Variants in RPL3L observed in about 807,000 individuals in gnomAD.
RPL3L encodes the protein ribosomal protein L3 like.
RPL3L carries 44 observed loss-of-function variants against 44.5 expected under a neutral mutation model. That is an observed-to-expected ratio of 0.99 (90% CI 0.78 to 1.27). The LOEUF is 1.27. Among genes scored for constraint, RPL3L ranks in the 50% most tolerant of loss-of-function variants. The probability of loss-of-function intolerance (pLI) is 0.00; values close to 1 mark genes in which losing one functional copy is unlikely to be tolerated. For synonymous variants in RPL3L, 292 were observed against 230.7 expected (o/e 1.27, Z -2.41); for missense variants, 631 against 569.1 (o/e 1.11, Z -1.11).
chr16:1,945,596 C>G lies in RPL3L; in HGVS notation c.1070G>C (p.Arg357Pro). The G allele has an allele frequency of 6.2e-7, 1 of 1,613,806 alleles. No homozygotes were observed. Among genetic ancestry groups the G allele is most frequent in the Non-Finnish European group, 8.5e-7 (1 of 1,179,966 alleles). ...GAGCTCAATATTCTCCACGGCTTGG[C>G]GACTGTGATGCACCAGGAGGGACTG... Reference protein sequence around the residue: ...LRKSLLVHHSRQAVENIELKF... With the variant: ...LRKSLLVHHSPQAVENIELKF... The change falls in exon 9 of 10, where the codon CGC (arginine) becomes CCC (proline). Residue 357 changes from arginine to proline, a missense_variant. Physicochemically the swap from Arg to Pro is moderately radical, Grantham distance 103. Transcript: ENST00000268661.
At position 1,946,843 on chromosome 16, in the gene RPL3L, G is replaced by A. The variant is rs2083124868; in HGVS notation, c.849+95C>T. 11 of 1,559,106 alleles carry A rather than the reference G, an allele frequency of 7.1e-6. 1 individual carries two copies. The Middle Eastern group carries it at 6.7e-4, about 94-fold the overall frequency. On this transcript the variant is annotated intron_variant, in intron 6 of 9. Transcript: ENST00000268661. ...GCTGGTGGGGGCATCTTGTGTCCCCGGCAGTGTCTGGGTCATGCACCCCAC... is the reference window on the plus strand; with the variant it reads ...GCTGGTGGGGGCATCTTGTGTCCCCAGCAGTGTCTGGGTCATGCACCCCAC...
intron 3 of RPL3L, among the ~76,000 whole-genome samples, chr16:1,952,241 C>G (rs2083176095): frequency 6.8e-6 from 1 of 147,028 alleles, no homozygotes; most frequent in African/African-American, 2.5e-5. Flanking sequence ...AGTGCTGGGA[C>G]TACTACAGTC....
chr16:1,947,527 G>C, intron 4 of RPL3L, 147 bp from the exon 5 acceptor site: 2 of 993,174 alleles, frequency 2.0e-6, no homozygotes, highest in Non-Finnish European at 2.9e-6. Context: ...CCCATGTGTT[G>C]TGCTAGGCAC....
intron 3 of RPL3L, among the ~76,000 whole-genome samples, chr16:1,951,985 G>A (rs116366319): frequency 0.022 from 3,363 of 151,794 alleles, 117 homozygotes; most frequent in African/African-American, 0.066. Context: ...GTCTCACTCT[G>A]TCGCTCACAC....
At chr16:1,946,378 A>G (rs76616682) in intron 7 of RPL3L, among the ~76,000 whole-genome samples, 3,108 of 152,260 alleles carry the variant, frequency 0.02, 64 homozygotes, top group East Asian at 0.065. Flanking sequence ...ACTATATCCA[A>G]ATGTTTTGGA....
chr16:1,954,541 T>TCTGAGGGCACCCC, intron 1 of RPL3L, 88 bp downstream of exon 1: 1 of 1,416,798 alleles, frequency 7.1e-7, no homozygotes, highest in Non-Finnish European at 9.6e-7. Context: ...AGACTGTCCC[T>TCTGAGGGCACCCC]CTGAGGGAGC....
chr16:1,952,754 G>A lies in RPL3L; in HGVS notation c.365+120C>T, dbSNP rs1024025661. 3.5e-5 allele frequency: 40 copies of A among 1,153,236 alleles called. 1 individual carries two copies. Among genetic ancestry groups the A allele is most frequent in the Admixed American group, 6.5e-5 (3 of 46,366 alleles). 71.4% of individuals were successfully genotyped at this position (1,153,236 alleles called of 1,614,324 possible). A position where few individuals can be genotyped will look rare whatever the true frequency, so the allele number is the denominator to read the frequency against. ...ACAGACACTCCTACCTCCCACAGAC[G>A]GTTGAGACTTCGCTTCCTACTCACC... On this transcript the variant is annotated intron_variant, in intron 3 of 9. Coordinates refer to ENST00000268661, the MANE Select transcript of RPL3L (RefSeq NM_005061.3).
chr16:1,945,693 C>A, intron 8 of RPL3L, 75 bp from the exon 9 acceptor site: 1 of 1,608,062 alleles, frequency 6.2e-7, no homozygotes, highest in South Asian at 1.1e-5. Context: ...CAAGCCCCAC[C>A]AGGAAGGTCT....
rs140887504 is a variant in RPL3L at position 1,950,932 on chromosome 16, C to T, written c.413G>A (p.Arg138Gln). The part of the protein sequence containing the change: ...KAFTKACKRW[R>Q]DTDGKKQLQK... ...TAGCTGCTTTTTCCCGTCTGTGTCC[C>T]GCCACCTCTTGCAGGCCTTGGTGAA... is the stretch of plus-strand genomic sequence containing the variant. The change falls in exon 4 of 10, where the codon CGG becomes CAG. Residue 138 changes from arginine (R) to glutamine (Q), a missense_variant. Physicochemically the swap from Arg to Gln is conservative, Grantham distance 43. Transcript: ENST00000268661. The T allele has an allele frequency of 7.1e-5, 114 of 1,613,998 alleles. No homozygotes were observed. The African/African-American group carries it at 1.0e-3, about 14-fold the overall frequency.
At position 1,951,566 on chromosome 16, in the gene RPL3L, A is replaced by G. The variant is rs184309141; in HGVS notation, c.366-587T>C. Among the ~76,000 whole-genome samples the G allele has an allele frequency of 4.6e-5, 7 of 151,872 alleles. No individual in the cohort carries two copies. In the East Asian group the frequency reaches 1.4e-3, roughly 29 times the overall value. ...CGGCTAATTTTTTGTATTTTTTTGT[A>G]GAGACGGGTTTCGTCATGTTGCCCA... On this transcript the variant is annotated intron_variant, in intron 3 of 9. Transcript: ENST00000268661.
At chr16:1,954,245 T>C in intron 1 of RPL3L, 97 bp from the exon 2 acceptor site, 1 of 1,248,042 alleles carries the variant, frequency 8.0e-7, no homozygotes, top group Non-Finnish European at 1.1e-6. Flanking sequence ...GACTACAGGC[T>C]TCAGACTGAG....
Position 1,945,856 on chromosome 16 carries a change from CTTCT to C in RPL3L, c.1022_1025del (p.Lys341SerfsTer6), listed in dbSNP as rs2083117098. ...CAACCTTTCTCAGCGTAATGACCCG[CTTCT>C]TGGTACCAGCAATACAACCCTTCAG... is the stretch of plus-strand genomic sequence containing the variant. On this transcript the variant is annotated frameshift_variant, in exon 8 of 10. Coordinates refer to ENST00000268661, the MANE Select transcript of RPL3L (RefSeq NM_005061.3). LOFTEE classifies it high-confidence loss of function. 1 of 1,613,886 alleles carries C rather than the reference CTTCT, an allele frequency of 6.2e-7. No individual in the cohort carries two copies. The highest frequency in any genetic ancestry group is 1.3e-5 in the African/African-American group (1 of 74,934).
At chr16:1,947,756 G>A (rs2083135186) in intron 4 of RPL3L, among the ~76,000 whole-genome samples, 1 of 152,084 alleles carries the variant, frequency 6.6e-6, no homozygotes, top group Non-Finnish European at 1.5e-5. Context: ...CATTGGAGAG[G>A]CTCTGGGCAG....
intron 9 of RPL3L, among the ~76,000 whole-genome samples, 193 bp downstream of exon 9, chr16:1,945,306 G>C (rs1485063229): frequency 1.4e-5 from 2 of 143,786 alleles, no homozygotes; most frequent in African/African-American, 2.6e-5. Context: ...AGTGAGCCAA[G>C]ATCACGGCAC....
rs753035566 is a variant in RPL3L, at chr16:1,950,820, G to C, written c.501+24C>G. The C allele has an allele frequency of 5.6e-6, 9 of 1,613,880 alleles. No homozygotes were observed. In the South Asian group the frequency reaches 9.9e-5, roughly 18 times the overall value. ...GGGAGCGTGGTCCTAGGGACTGACCGACAGCGGAGGGCCGGGGGCTGACCT... is the reference window on the plus strand; with the variant it reads ...GGGAGCGTGGTCCTAGGGACTGACCCACAGCGGAGGGCCGGGGGCTGACCT... On this transcript the variant is annotated intron_variant, in intron 4 of 9. Transcript: ENST00000268661.
chr16:1,945,961 C>T lies in RPL3L; in HGVS notation c.952-31G>A, dbSNP rs751114536. 1.0e-5 allele frequency: 16 copies of T among 1,573,208 alleles called. No individual in the cohort carries two copies. The East Asian group carries it at 1.1e-4, about 11-fold the overall frequency. On this transcript the variant is annotated intron_variant, in intron 7 of 9. Transcript: ENST00000268661. ...GAGGACACAGGTCAGAGGCCAGGCC[C>T]GGAAAGGGCTTCTGAGTTAGTGGGT...
In RPL3L at chr16:1,946,701, T is replaced by C; in HGVS notation, c.875A>G (p.His292Arg). ...KKIFRIGRGP[H>R]MEDGKLVKNN... is the part of the protein sequence containing the mutation. ...CTTCACCAGCTTCCCGTCCTCCATG[T>C]GCGGGCCCCTGCCGATGCGGAAGAT... Residue 292 changes from histidine (H) to arginine (R), a missense_variant, in exon 7 of 10, where the codon CAC becomes CGC. Physicochemically the swap from His to Arg is conservative, Grantham distance 29. Coordinates refer to ENST00000268661, the MANE Select transcript of RPL3L (RefSeq NM_005061.3). 6.2e-7 allele frequency: 1 copy of C among 1,612,612 alleles called. No individual in the cohort carries two copies. Among genetic ancestry groups the C allele is most frequent in the East Asian group, 2.2e-5 (1 of 44,868 alleles).
chr16:1,944,924 T>TA, intron 9 of RPL3L, 31 bp from the exon 10 acceptor site: 3 of 1,570,640 alleles, frequency 1.9e-6, no homozygotes, highest in East Asian at 4.7e-5. Context: ...GGAGGAGCCT[T>TA]AGTCACTCTG....
At chr16:1,950,765 A>C in intron 4 of RPL3L, 79 bp downstream of exon 4, 1 of 1,605,240 alleles carries the variant, frequency 6.2e-7, no homozygotes, top group South Asian at 1.1e-5. Flanking sequence ...TTAGGCTGAC[A>C]TTTGCCACAG....
Sources: gnomAD v4.1 joint callset for allele counts (sites outside exome capture counted in the v4.1 genomes callset) on GRCh38, gnomAD v4.1.1 for gene constraint, MANE v1.5 for transcripts, NCBI Gene and HGNC (gene_info 2026-07-23, HGNC 2026-07-21) for gene names.